Variants in TMOD3 observed in about 807,000 individuals in gnomAD.
TMOD3 encodes tropomodulin-3.
In TMOD3, 20 loss-of-function variants were observed where a neutral mutation model predicts 39.2. That is an observed-to-expected ratio of 0.51 (90% CI 0.36 to 0.74). The LOEUF (loss-of-function observed/expected upper bound fraction) is 0.74, where lower values mean the gene tolerates loss of function less well. Ranked by LOEUF, TMOD3 falls within the 30% of genes least tolerant of loss-of-function variation. The pLI, the probability that TMOD3 is intolerant of heterozygous loss-of-function variation, is 0.00. For synonymous variants in TMOD3, 143 were observed against 145.8 expected (o/e 0.98, Z 0.14); for missense variants, 381 against 412.8 (o/e 0.92, Z 0.67).
intron 1 of TMOD3, among the ~76,000 whole-genome samples, chr15:51,847,492 T>G (rs1366418115): frequency 6.6e-6 from 1 of 152,210 alleles, no homozygotes; most frequent in African/African-American, 2.4e-5. Flanking sequence ...GCTGTGCTAA[T>G]ATCTGAGTCA....
intron 6 of TMOD3, among the ~76,000 whole-genome samples, chr15:51,895,658 C>T (rs1301514125): frequency 2.0e-5 from 3 of 152,140 alleles, no homozygotes; most frequent in Non-Finnish European, 4.4e-5. Context: ...TATTTTCTCT[C>T]CTTCAAGTAG....
chr15:51,859,659 A>G, intron 1 of TMOD3: 3 of 497,468 alleles, frequency 6.0e-6, no homozygotes, highest in South Asian at 3.4e-5. Flanking sequence ...GAAGTCCACA[A>G]TGGTAGACAA....
At chr15:51,905,251 A>T (rs1281458894) in intron 9 of TMOD3, among the ~76,000 whole-genome samples, 1 of 152,220 alleles carries the variant, frequency 6.6e-6, no homozygotes, top group Non-Finnish European at 1.5e-5. Context: ...TAATCCAAGC[A>T]CTTTGAGAGA....
rs1369571852 is a variant in TMOD3, at chr15:51,901,886, C to T, written c.880-6C>T. ...TAATATTGTTCTTTTTTTCTAATTACTCCAGAGGCAGCAGTTGGGGACAGC... is the reference window on the plus strand; with the variant it reads ...TAATATTGTTCTTTTTTTCTAATTATTCCAGAGGCAGCAGTTGGGGACAGC... On this transcript the variant is annotated splice_region_variant and splice_polypyrimidine_tract_variant and intron_variant, in intron 8 of 9. Transcript: ENST00000308580. 2 of 1,611,440 alleles carry T rather than the reference C, an allele frequency of 1.2e-6. No homozygotes were observed.
At chr15:51,840,093 A>T in intron 1 of TMOD3, among the ~76,000 whole-genome samples, 1 of 152,188 alleles carries the variant, frequency 6.6e-6, no homozygotes, top group East Asian at 1.9e-4. Context: ...CTCACAATCT[A>T]TGGTGGAAAT....
At chr15:51,852,505 G>A (rs2056367465) in intron 1 of TMOD3, among the ~76,000 whole-genome samples, 1 of 152,058 alleles carries the variant, frequency 6.6e-6, no homozygotes, top group Non-Finnish European at 1.5e-5. Context: ...TTTTAGCTGG[G>A]GGAGATTAGA....
At chr15:51,890,053 G>T (rs866510217) in intron 5 of TMOD3, among the ~76,000 whole-genome samples, 1 of 151,828 alleles carries the variant, frequency 6.6e-6, no homozygotes, top group Non-Finnish European at 1.5e-5. Flanking sequence ...TCCAGGCTTT[G>T]CACTGTTTAT....
intron 1 of TMOD3, among the ~76,000 whole-genome samples, 199 bp from the exon 2 acceptor site, chr15:51,862,612 C>T (rs2056424691): frequency 6.6e-6 from 1 of 151,994 alleles, no homozygotes; most frequent in South Asian, 2.1e-4. Context: ...TTATCTTTTC[C>T]CTCTTTTTTC....
At chr15:51,873,975 A>G (rs2056488819) in intron 3 of TMOD3, among the ~76,000 whole-genome samples, 2 of 152,200 alleles carry the variant, frequency 1.3e-5, no homozygotes. Flanking sequence ...AGGATTACTT[A>G]CCTAGTCATT....
At chr15:51,861,696 C>T (rs1421180304) in intron 1 of TMOD3, among the ~76,000 whole-genome samples, 3 of 145,014 alleles carry the variant, frequency 2.1e-5, no homozygotes, top group Non-Finnish European at 4.5e-5. Context: ...CTTGCTATGT[C>T]ACCCAGGCTA....
chr15:51,847,800 G>T (rs1429467935), intron 1 of TMOD3, among the ~76,000 whole-genome samples: 1 of 151,610 alleles, frequency 6.6e-6, no homozygotes, highest in Admixed American at 6.6e-5. Context: ...AAAATAAAAT[G>T]GGCATTTTTT....
At chr15:51,893,107 C>T (rs1323283077) in intron 5 of TMOD3, among the ~76,000 whole-genome samples, 2 of 150,630 alleles carry the variant, frequency 1.3e-5, no homozygotes, top group Non-Finnish European at 3.0e-5. Context: ...ACCAACCTGG[C>T]CAACATGACG....
At chr15:51,850,338 G>A (rs1274527980) in intron 1 of TMOD3, among the ~76,000 whole-genome samples, 1 of 152,160 alleles carries the variant, frequency 6.6e-6, no homozygotes, top group Non-Finnish European at 1.5e-5. Context: ...GGCAGGATTG[G>A]CCTTAGGTAA....
At chr15:51,847,190 T>G (rs913868845) in intron 1 of TMOD3, among the ~76,000 whole-genome samples, 4 of 152,242 alleles carry the variant, frequency 2.6e-5, no homozygotes, top group Non-Finnish European at 5.9e-5. Context: ...TTTCTTGTAA[T>G]AATCACAGAA....
At position 51,905,419 on chromosome 15, in the gene TMOD3, G is replaced by A. The variant is rs552765632; in HGVS notation, c.1025-3357G>A. On this transcript the variant is annotated intron_variant, in intron 9 of 9. Coordinates refer to ENST00000308580, the MANE Select transcript of TMOD3 (RefSeq NM_014547.5). ...TGAGAATTGGTTGAACCCAGAAGGC[G>A]GAGGTTGCAGTGAGCCGAGATTGCA... Among the ~76,000 whole-genome samples the A allele has an allele frequency of 3.3e-5, 5 of 152,108 alleles. No individual in the cohort carries two copies. In the South Asian group the frequency reaches 6.2e-4, roughly 19 times the overall value.
chr15:51,847,493 A>G (rs1215621159), intron 1 of TMOD3, among the ~76,000 whole-genome samples: 1 of 152,228 alleles, frequency 6.6e-6, no homozygotes, highest in African/African-American at 2.4e-5. Context: ...CTGTGCTAAT[A>G]TCTGAGTCAA....
At chr15:51,880,658 A>G (rs2056528100) in intron 3 of TMOD3, among the ~76,000 whole-genome samples, 1 of 152,206 alleles carries the variant, frequency 6.6e-6, no homozygotes, top group Non-Finnish European at 1.5e-5. Flanking sequence ...GTGTGTGTCA[A>G]TACTTCATTC....
chr15:51,895,296 A>G (rs1367513342), intron 6 of TMOD3, among the ~76,000 whole-genome samples: 1 of 150,292 alleles, frequency 6.7e-6, no homozygotes, highest in Admixed American at 6.7e-5. Flanking sequence ...GGCTCACTGC[A>G]ACCTCTGCCC....
chr15:51,874,717 T>C (rs1426493080), intron 3 of TMOD3, among the ~76,000 whole-genome samples: 1 of 152,250 alleles, frequency 6.6e-6, no homozygotes, highest in East Asian at 1.9e-4. Context: ...ACTCCTCCTC[T>C]CTATTGCTGG....
Sources: allele counts gnomAD v4.1 joint callset (sites outside exome capture counted in the v4.1 genomes callset), GRCh38; gene constraint gnomAD v4.1.1; transcripts MANE v1.5; gene names NCBI Gene and HGNC (gene_info 2026-07-23, HGNC 2026-07-21).